TENM3: variants seen among roughly 807,000 people sequenced by gnomAD.
TENM3 encodes teneurin transmembrane protein 3, also known as teneurin-3.
In TENM3, 63 loss-of-function variants were observed where a neutral mutation model predicts 255.1. That is an observed-to-expected ratio of 0.25 (90% CI 0.20 to 0.30). The LOEUF is 0.30. Ranked by LOEUF, TENM3 falls within the 10% of genes least tolerant of loss-of-function variation. The pLI is 1.00. For missense variants in TENM3, 2,929 were observed against 3,461.1 expected (o/e 0.85, Z 3.86); for synonymous variants, 1,306 against 1,322.3 (o/e 0.99, Z 0.27).
intron 12 of TENM3, among the ~76,000 whole-genome samples, chr4:182,699,072 G>A (rs1483640934): frequency 6.6e-6 from 1 of 152,172 alleles, no homozygotes; most frequent in African/African-American, 2.4e-5. Context: ...TCCTTGTTTA[G>A]GGTCATATGA....
At chr4:181,754,124 A>G in the TENM3 span, among the ~76,000 whole-genome samples, 3 of 152,222 alleles carry the variant, frequency 2.0e-5, no homozygotes, top group Non-Finnish European at 4.4e-5. Flanking sequence ...CAAGTCTTCC[A>G]TCAAGTAACT....
At chr4:181,883,575 C>T in the TENM3 span, among the ~76,000 whole-genome samples, 59 of 152,106 alleles carry the variant, frequency 3.9e-4, no homozygotes, top group African/African-American at 1.4e-3. Context: ...CCCAGGTTCA[C>T]GCCATTCTCC....
intron 1 of TENM3, among the ~76,000 whole-genome samples, chr4:182,228,400 A>ATATATGTGCAT: frequency 1.2e-5 from 1 of 82,628 alleles, no homozygotes; most frequent in Admixed American, 1.1e-4. Context: ...GTGTATATGT[A>ATATATGTGCAT]ATCCCTCCCA....
chr4:182,544,316 A>G (rs1580885603), intron 3 of TENM3, among the ~76,000 whole-genome samples: 1 of 130,204 alleles, frequency 7.7e-6, no homozygotes. Context: ...CCAGCACAGC[A>G]TTGTGGATTT....
intron 3 of TENM3, among the ~76,000 whole-genome samples, chr4:182,353,309 C>A (rs991615601): frequency 2.0e-5 from 3 of 152,176 alleles, no homozygotes; most frequent in Non-Finnish European, 4.4e-5. Context: ...TTCTATTATA[C>A]ATACTAAACT....
the TENM3 span, among the ~76,000 whole-genome samples, chr4:181,998,291 G>A: frequency 2.6e-5 from 4 of 152,254 alleles, no homozygotes; most frequent in South Asian, 8.3e-4. Flanking sequence ...ACCTAAGAGG[G>A]ACCATGCCCA....
the TENM3 span, among the ~76,000 whole-genome samples, chr4:181,798,153 A>T: frequency 1.3e-5 from 2 of 151,902 alleles, no homozygotes; most frequent in Non-Finnish European, 2.9e-5. Context: ...AATCAAACTC[A>T]TAGAATTTAC....
chr4:182,118,690 A>T, the TENM3 span, among the ~76,000 whole-genome samples: 201 of 152,226 alleles, frequency 1.3e-3, 1 homozygote, highest in Non-Finnish European at 2.3e-3. Flanking sequence ...ATTTTATCAG[A>T]TGTCTTTTCT....
chr4:182,314,329 G>T (rs186782537), intron 1 of TENM3, among the ~76,000 whole-genome samples: 1 of 151,874 alleles, frequency 6.6e-6, no homozygotes, highest in African/African-American at 2.4e-5. Flanking sequence ...CAGGGGCTAC[G>T]TGTTGTGTAT....
intron 2 of TENM3, 48 bp downstream of exon 2, chr4:182,324,300 T>C (rs765303859): frequency 7.2e-7 from 1 of 1,389,292 alleles, no homozygotes; most frequent in South Asian, 1.2e-5. Flanking sequence ...GTTACTAACT[T>C]GTAGGTGTCG....
intron 6 of TENM3, among the ~76,000 whole-genome samples, chr4:182,657,947 C>T (rs938376334): frequency 2.0e-5 from 3 of 152,220 alleles, no homozygotes; most frequent in East Asian, 1.9e-4. Context: ...TGAGCCACCT[C>T]GCCCGGTGCT....
intron 1 of TENM3, among the ~76,000 whole-genome samples, chr4:182,213,833 C>CTCG (rs1014675909): frequency 2.6e-5 from 4 of 151,782 alleles, no homozygotes; most frequent in Non-Finnish European, 5.9e-5. Context: ...ACAGAGTCTC[C>CTCG]CTCTGTCGCC....
At chr4:182,023,369 G>A in the TENM3 span, among the ~76,000 whole-genome samples, 1 of 152,114 alleles carries the variant, frequency 6.6e-6, no homozygotes. Context: ...CTGAGAATAC[G>A]TCTAGAGGGT....
rs1770021235 is a variant in TENM3 at position 182,411,999 on chromosome 4, T to G, written c.511+65070T>G. Among the ~76,000 whole-genome samples the G allele has an allele frequency of 2.6e-5, 4 of 152,184 alleles. No individual in the cohort carries two copies. The South Asian group carries it at 8.3e-4, about 32-fold the overall frequency. On this transcript the variant is annotated intron_variant, in intron 3 of 27. Coordinates refer to ENST00000511685, the MANE Select transcript of TENM3 (RefSeq NM_001080477.4). The stretch of plus-strand genomic sequence containing the variant: ...TAGAGAAACAGAAGCAGGTAGAGTT[T>G]GCTTCCTACAGGATGATGAGGGCTA...
At chr4:182,256,081 T>G (rs745392803) in intron 1 of TENM3, among the ~76,000 whole-genome samples, 6 of 152,210 alleles carry the variant, frequency 3.9e-5, no homozygotes, top group Non-Finnish European at 8.8e-5. Context: ...CACTGTCTCT[T>G]GGATGTACGT....
chr4:182,429,704 A>G (rs762447248), intron 3 of TENM3, among the ~76,000 whole-genome samples: 1 of 152,224 alleles, frequency 6.6e-6, no homozygotes, highest in Non-Finnish European at 1.5e-5. Flanking sequence ...TAACAGCTGC[A>G]GTTGTATTAA....
chr4:182,665,889 C>G (rs938453655), intron 6 of TENM3, among the ~76,000 whole-genome samples: 1 of 151,880 alleles, frequency 6.6e-6, no homozygotes, highest in African/African-American at 2.4e-5. Context: ...GACAGAGACT[C>G]TGTCTCAAAA....
chr4:181,887,705 C>T, the TENM3 span, among the ~76,000 whole-genome samples: 7 of 152,196 alleles, frequency 4.6e-5, no homozygotes, highest in South Asian at 1.2e-3. Flanking sequence ...ATCAGCCTCT[C>T]GGACTCCAGG....
At chr4:181,941,447 T>C in the TENM3 span, among the ~76,000 whole-genome samples, 2 of 152,216 alleles carry the variant, frequency 1.3e-5, no homozygotes, top group Non-Finnish European at 2.9e-5. Context: ...GATCTGCTAT[T>C]AAGCTCATTT....
Sources: allele counts gnomAD v4.1 joint callset (sites outside exome capture counted in the v4.1 genomes callset), GRCh38; gene constraint gnomAD v4.1.1; transcripts MANE v1.5; gene names NCBI Gene and HGNC (gene_info 2026-07-23, HGNC 2026-07-21).